Variants in PPARD observed in about 807,000 individuals in gnomAD.
PPARD encodes peroxisome proliferator-activated receptor delta.
A neutral mutation model predicts 39.5 loss-of-function variants in PPARD; 6 were observed. That is an observed-to-expected ratio of 0.15 (90% CI 0.08 to 0.30). PPARD has a LOEUF of 0.30. Among genes scored for constraint, PPARD ranks in the 10% least tolerant of loss-of-function variants. The probability of loss-of-function intolerance (pLI) is 1.00; values close to 1 mark genes in which losing one functional copy is unlikely to be tolerated. For missense variants in PPARD, 397 were observed against 596.8 expected, an observed-to-expected ratio of 0.67 and a Z score of 3.49; for synonymous variants, 210 against 231.3, an observed-to-expected ratio of 0.91 and a Z score of 0.83.
intron 1 of PPARD, among the ~76,000 whole-genome samples, chr6:35,343,260 G>C (rs1791966124): frequency 6.6e-6 from 1 of 151,900 alleles, no homozygotes; most frequent in Non-Finnish European, 1.5e-5. Context: ...ATCCCTCCTA[G>C]TATTATGGGT....
At chr6:35,345,961 C>G (rs527677157) in intron 1 of PPARD, among the ~76,000 whole-genome samples, 2 of 150,138 alleles carry the variant, frequency 1.3e-5, no homozygotes, top group South Asian at 4.2e-4. Flanking sequence ...ACTGCAAGCT[C>G]CATCTCCCAG....
intron 4 of PPARD, 28 bp from the exon 5 acceptor site, chr6:35,421,792 C>T: frequency 6.3e-7 from 1 of 1,581,786 alleles, no homozygotes; most frequent in Non-Finnish European, 8.6e-7. Context: ...TCCTGGTGGC[C>T]TTTCCTCACC....
At chr6:35,357,147 T>C (rs1761662739) in intron 2 of PPARD, among the ~76,000 whole-genome samples, 1 of 152,148 alleles carries the variant, frequency 6.6e-6, no homozygotes. Context: ...AGTGTGTAGA[T>C]TGCCATTGAC....
At chr6:35,352,172 G>C (rs992152200) in intron 2 of PPARD, among the ~76,000 whole-genome samples, 2 of 151,496 alleles carry the variant, frequency 1.3e-5, no homozygotes, top group African/African-American at 4.9e-5. Flanking sequence ...TGCCCAGCCA[G>C]TTCTTTTTTG....
At chr6:35,349,155 A>T (rs1761077951) in intron 2 of PPARD, among the ~76,000 whole-genome samples, 1 of 151,632 alleles carries the variant, frequency 6.6e-6, no homozygotes, top group African/African-American at 2.4e-5. Context: ...CCTCCTGAGT[A>T]GCTGGGACTA....
rs9794 is a variant in PPARD, at chr6:35,428,018, G to A, written c.*1939G>A. ...CGGCCACATGCCGCGTCCCTGCCCC[G>A]ACCCGGGTCTGGTGCTGAGGATACA... is the stretch of plus-strand genomic sequence containing the variant. On this transcript the variant is annotated 3_prime_UTR_variant, in exon 8 of 8. Transcript: ENST00000360694. 0.013 allele frequency: 2,034 copies of A among 152,684 alleles called. 13 individuals are homozygous for A. The highest frequency in any genetic ancestry group is 0.03 in the Middle Eastern group (9 of 296). The allele number at this position is 152,684 out of a possible 1,614,324, so 9.5% of individuals were successfully genotyped here.
intron 2 of PPARD, among the ~76,000 whole-genome samples, chr6:35,358,965 T>C (rs567977599): frequency 6.6e-6 from 1 of 152,256 alleles, no homozygotes; most frequent in Admixed American, 6.5e-5. Context: ...AGATGCTCTC[T>C]AGAAAACTAA....
At chr6:35,396,850 A>G (rs1052942267) in intron 2 of PPARD, among the ~76,000 whole-genome samples, 3 of 152,118 alleles carry the variant, frequency 2.0e-5, no homozygotes, top group African/African-American at 7.2e-5. Flanking sequence ...AAAATGAGAC[A>G]GGGTCTTTCT....
intron 4 of PPARD, 28 bp downstream of exon 4, chr6:35,420,309 C>T: frequency 6.6e-7 from 1 of 1,523,762 alleles, no homozygotes; most frequent in East Asian, 2.4e-5. Flanking sequence ...CGGTGGCTGG[C>T]CACTGAGGCT....
At chr6:35,358,674 G>A (rs752605324) in intron 2 of PPARD, among the ~76,000 whole-genome samples, 9 of 152,184 alleles carry the variant, frequency 5.9e-5, no homozygotes, top group Non-Finnish European at 1.0e-4. Flanking sequence ...TATGGTACCC[G>A]ATCCTTGCTT....
Position 35,363,391 on chromosome 6 carries a change from T to C in PPARD, c.-102+16241T>C, listed in dbSNP as rs1353737356. ...GTGAGACCCACTGGCTTCCTGTACG[T>C]CCCCTCAAAGCCTGCGCCACCGCCT... On this transcript the variant is annotated intron_variant, in intron 2 of 7. Coordinates refer to ENST00000360694, the MANE Select transcript of PPARD (RefSeq NM_006238.5). This position sits in a 1 kb window ranked among gnomAD's most constrained non-coding sequence, Gnocchi z 4.5. 6.6e-6 allele frequency among the ~76,000 whole-genome samples: 1 copy of C among 152,126 alleles called. No individual in the cohort carries two copies. Among genetic ancestry groups the C allele is most frequent in the Non-Finnish European group, 1.5e-5 (1 of 68,018 alleles).
chr6:35,390,752 G>A (rs1490060254), intron 2 of PPARD, among the ~76,000 whole-genome samples: 1 of 152,196 alleles, frequency 6.6e-6, no homozygotes, highest in African/African-American at 2.4e-5. Flanking sequence ...GTTGGGCACA[G>A]TGGCTCACAC....
At chr6:35,398,095 C>G (rs1431984264) in intron 2 of PPARD, among the ~76,000 whole-genome samples, 1 of 152,104 alleles carries the variant, frequency 6.6e-6, no homozygotes, top group Non-Finnish European at 1.5e-5. Flanking sequence ...GACTTGCTGG[C>G]AGGTATTAAG....
At position 35,424,838 on chromosome 6, in the gene PPARD, C is replaced by A; in HGVS notation, c.1078+59C>A. The A allele has an allele frequency of 1.3e-6, 2 of 1,576,982 alleles. No homozygotes were observed. The highest frequency in any genetic ancestry group is 1.7e-6 in the Non-Finnish European group (2 of 1,162,772). On this transcript the variant is annotated intron_variant, in intron 7 of 7. Coordinates refer to ENST00000360694, the MANE Select transcript of PPARD (RefSeq NM_006238.5). The surrounding 1 kb of genome is among the most constrained non-coding windows in gnomAD (Gnocchi z 7.1). ...CACACCCAGTCGTCCTGGGGGTTGGCCCTCACTGCAGGGCACTGTGCCTGA... is the reference window on the plus strand; with the variant it reads ...CACACCCAGTCGTCCTGGGGGTTGGACCTCACTGCAGGGCACTGTGCCTGA...
intron 2 of PPARD, among the ~76,000 whole-genome samples, chr6:35,364,431 CTTTTTT>C (rs529866520): frequency 7.9e-6 from 1 of 127,186 alleles, no homozygotes; most frequent in Non-Finnish European, 1.6e-5. Flanking sequence ...CCATGTTTAA[CTTTTTT>C]TTTTTTTTTT....
At chr6:35,347,295 C>T (rs1792242046) in intron 2 of PPARD, 145 bp downstream of exon 2, 6 of 954,726 alleles carry the variant, frequency 6.3e-6, no homozygotes, top group African/African-American at 4.9e-5. Flanking sequence ...GTACCAGTTG[C>T]TTATGCATAG....
intron 2 of PPARD, among the ~76,000 whole-genome samples, chr6:35,372,596 A>G (rs939825409): frequency 1.3e-5 from 2 of 152,214 alleles, no homozygotes; most frequent in Non-Finnish European, 2.9e-5. Context: ...GCCTACTTGT[A>G]TGTCATTCTG....
chr6:35,388,838 A>G (rs1385688619), intron 2 of PPARD, among the ~76,000 whole-genome samples: 1 of 152,172 alleles, frequency 6.6e-6, no homozygotes, highest in Non-Finnish European at 1.5e-5. Flanking sequence ...ACACGCTTCC[A>G]CCACCTGGTC....
intron 2 of PPARD, among the ~76,000 whole-genome samples, chr6:35,365,603 G>A (rs188715297): frequency 4.0e-5 from 6 of 150,956 alleles, no homozygotes; most frequent in Non-Finnish European, 5.9e-5. Flanking sequence ...CGATTCTCCC[G>A]CCTCAGCCTC....
Sources: allele counts gnomAD v4.1 joint callset (sites outside exome capture counted in the v4.1 genomes callset), GRCh38; gene constraint gnomAD v4.1.1; non-coding constraint Gnocchi (gnomAD v3.1); transcripts MANE v1.5; gene names NCBI Gene and HGNC (gene_info 2026-07-23, HGNC 2026-07-21).